MYO5B: variants seen among roughly 807,000 people sequenced by gnomAD.
The protein encoded by MYO5B is myosin VB, also known as unconventional myosin-Vb.
A neutral mutation model predicts 229.3 loss-of-function variants in MYO5B; 143 were observed. The observed-to-expected ratio is 0.62, with a 90% confidence interval of 0.54 to 0.72. The LOEUF (loss-of-function observed/expected upper bound fraction) is 0.72. Ranked by LOEUF, MYO5B falls within the 30% of genes least tolerant of loss-of-function variation. The pLI, the probability that MYO5B is intolerant of heterozygous loss-of-function variation, is 0.00. For synonymous variants in MYO5B, 918 were observed against 885.2 expected, an observed-to-expected ratio of 1.04 and a Z score of -0.66; for missense variants, 2,321 against 2,331.0, an observed-to-expected ratio of 1.00 and a Z score of 0.09.
intron 7 of MYO5B, 30 bp from the exon 8 acceptor site, chr18:49,984,855 G>A (rs1598932032): frequency 1.4e-6 from 2 of 1,439,054 alleles, no homozygotes; most frequent in East Asian, 4.5e-5. Context: ...AAGGCATGAG[G>A]CACTGGAGGA....
At chr18:50,160,253 T>C (rs2032745554) in intron 1 of MYO5B, among the ~76,000 whole-genome samples, 1 of 152,202 alleles carries the variant, frequency 6.6e-6, no homozygotes, top group Non-Finnish European at 1.5e-5. Flanking sequence ...GGGTGGCTTT[T>C]CTTAATGTTC....
At chr18:50,183,305 T>TTATATATATA (rs1568136290) in intron 1 of MYO5B, among the ~76,000 whole-genome samples, 1 of 42,632 alleles carries the variant, frequency 2.3e-5, no homozygotes, top group African/African-American at 9.5e-5. Flanking sequence ...CTCAATTTTA[T>TTATATATATA]CATATATATA....
In MYO5B at chr18:50,025,896, C is replaced by T. The variant is rs555892283; in HGVS notation, c.455+10954G>A. Among the ~76,000 whole-genome samples, 8 of 152,220 alleles carry T rather than the reference C, an allele frequency of 5.3e-5. No homozygotes were observed. The South Asian group carries it at 1.7e-3, about 32-fold the overall frequency. On this transcript the variant is annotated intron_variant, in intron 4 of 39. Coordinates refer to ENST00000285039, the MANE Select transcript of MYO5B (RefSeq NM_001080467.3). ...TCATTATCTTACTTTTGACATGCAT[C>T]CCTATCAATAAAGAAAACTGTGAAC... is the stretch of plus-strand genomic sequence containing the variant.
rs1459927452 is a variant in MYO5B at position 49,971,793 on chromosome 18, CAG to C, written c.1322+2555_1322+2556del. Among the ~76,000 whole-genome samples, 8 of 152,298 alleles carry C rather than the reference CAG, an allele frequency of 5.3e-5. No individual in the cohort carries two copies. The South Asian group carries it at 1.4e-3, about 28-fold the overall frequency. ...TGTATCTAACTTGTTATCCTTAACT[CAG>C]AGAGAGTGTGAACTCAGCACTGCAT... On this transcript the variant is annotated intron_variant, in intron 10 of 39. Coordinates refer to ENST00000285039, the MANE Select transcript of MYO5B (RefSeq NM_001080467.3).
At chr18:49,936,488 CTGGGG>C (rs2025251902) in intron 15 of MYO5B, 139 bp from the exon 16 acceptor site, 5 of 738,944 alleles carry the variant, frequency 6.8e-6, no homozygotes, top group East Asian at 2.8e-5. Flanking sequence ...TTTCAGAGAC[CTGGGG>C]TAAGATTCCA....
At chr18:50,043,006 C>T (rs1050072448) in intron 2 of MYO5B, among the ~76,000 whole-genome samples, 1 of 151,980 alleles carries the variant, frequency 6.6e-6, no homozygotes, top group South Asian at 2.1e-4. Context: ...AATACAACCA[C>T]TATGGAAAAT....
intron 35 of MYO5B, chr18:49,840,110 C>T (rs2144036136): frequency 6.6e-6 from 1 of 152,552 alleles, no homozygotes; most frequent in Admixed American, 6.5e-5. Flanking sequence ...TGGTTCAGCT[C>T]TTGACCCAGA....
At chr18:49,931,560 C>T (rs1229311821) in intron 16 of MYO5B, among the ~76,000 whole-genome samples, 1 of 152,206 alleles carries the variant, frequency 6.6e-6, no homozygotes, top group East Asian at 1.9e-4. Flanking sequence ...CCTTACAGGA[C>T]AGCAGGGAGT....
chr18:50,194,715 C>A (rs2033277286), intron 1 of MYO5B, 52 bp downstream of exon 1: 3 of 1,329,972 alleles, frequency 2.3e-6, no homozygotes, highest in African/African-American at 1.5e-5. Context: ...TACTAGGTGG[C>A]CCCGAGCGCG....
Position 50,055,225 on chromosome 18 carries a change from G to GGCCCCCCCCCCCCC in MYO5B, c.138+42_138+43insGGGGGGGGGGGGGC. ...TGTTCCTTGCACACCTGAGCTCCCT[G>GGCCCCCCCCCCCCC]CCCCACCTCACCCCCGCCCCCCTGC... On this transcript the variant is annotated intron_variant, in intron 2 of 39. Transcript: ENST00000285039. 42 of 700,346 alleles carry GGCCCCCCCCCCCCC rather than the reference G, an allele frequency of 6.0e-5. 2 individuals are homozygous for GGCCCCCCCCCCCCC. Among genetic ancestry groups the GGCCCCCCCCCCCCC allele is most frequent in the East Asian group, 1.3e-4 (5 of 37,520 alleles). The allele number at this position is 700,346 out of a possible 1,614,324, so 43.4% of individuals were successfully genotyped here.
intron 31 of MYO5B, 152 bp from the exon 32 acceptor site, chr18:49,849,812 T>C (rs931351665): frequency 8.5e-5 from 61 of 719,054 alleles, no homozygotes; most frequent in Non-Finnish European, 1.3e-4. Context: ...GAGCTGCTCT[T>C]CACAGGCTGT....
At chr18:49,937,474 AACATAT>A (rs1598895885) in intron 14 of MYO5B, 77 bp from the exon 15 acceptor site, 1 of 1,527,056 alleles carries the variant, frequency 6.5e-7, no homozygotes, top group East Asian at 2.3e-5. Flanking sequence ...GCTGCTTTTC[AACATAT>A]ACCTGAGAAC....
rs761217430 is a variant in MYO5B at position 49,863,260 on chromosome 18, A to G, written c.3911T>C (p.Ile1304Thr). ...CTGGCAGACCCCGTGATAGGCCTCAATGGCATCCTCCTGGTCAACATGCTT... is the reference window on the plus strand; with the variant it reads ...CTGGCAGACCCCGTGATAGGCCTCAGTGGCATCCTCCTGGTCAACATGCTT... ...SEKHVDQEDA[I>T]EAYHGVCQTN... The change falls in exon 29 of 40, where the codon ATT (isoleucine) becomes ACT (threonine). Residue 1304 changes from isoleucine (I) to threonine (T), a missense_variant. Around this residue, in one of 2 missense-constraint regions of MYO5B, gnomAD observed 2,113 missense variants for 2,044.7 expected, o/e 1.03. Transcript: ENST00000285039. 5.6e-6 allele frequency: 9 copies of G among 1,613,390 alleles called. No homozygotes were observed. The Admixed American group carries it at 1.0e-4, about 18-fold the overall frequency.
At chr18:49,845,789 G>A (rs1389124790) in intron 33 of MYO5B, among the ~76,000 whole-genome samples, 2 of 152,192 alleles carry the variant, frequency 1.3e-5, no homozygotes, top group Non-Finnish European at 2.9e-5. Context: ...GTGGCCTGTT[G>A]CAGTGGCCTG....
intron 1 of MYO5B, among the ~76,000 whole-genome samples, chr18:50,139,615 G>A (rs969586287): frequency 6.6e-6 from 1 of 152,166 alleles, no homozygotes; most frequent in African/African-American, 2.4e-5. Context: ...TTGCCCAGCA[G>A]AGGACCCAGC....
At chr18:49,853,427 T>G in intron 31 of MYO5B, 22 bp downstream of exon 31, 1 of 1,613,444 alleles carries the variant, frequency 6.2e-7, no homozygotes, top group Non-Finnish European at 8.5e-7. Context: ...AAAGCTGGGG[T>G]CCACTAGACA....
intron 12 of MYO5B, among the ~76,000 whole-genome samples, chr18:49,957,188 G>A (rs1057146157): frequency 1.3e-5 from 2 of 149,082 alleles, no homozygotes; most frequent in African/African-American, 2.5e-5. Context: ...GTGGGGGAGT[G>A]CAAGTTCTGG....
intron 34 of MYO5B, 150 bp downstream of exon 34, chr18:49,843,091 T>C (rs2024079747): frequency 9.8e-7 from 1 of 1,021,076 alleles, no homozygotes; most frequent in Admixed American, 2.0e-5. Flanking sequence ...GGCATCCTGG[T>C]TATATGGATG....
At chr18:49,946,458 G>T (rs1178384615) in intron 14 of MYO5B, 1 of 152,126 alleles carries the variant, frequency 6.6e-6, no homozygotes, top group Non-Finnish European at 1.5e-5. Flanking sequence ...GATTTGTGAT[G>T]CTTGATCTGT....
Sources: allele counts gnomAD v4.1 joint callset (sites outside exome capture counted in the v4.1 genomes callset), GRCh38; gene constraint gnomAD v4.1.1; regional missense constraint gnomAD v4.1.1; transcripts MANE v1.5; gene names NCBI Gene and HGNC (gene_info 2026-07-23, HGNC 2026-07-21).